Variants in PDE4DIP observed in about 807,000 individuals in gnomAD.
The protein encoded by PDE4DIP is myomegalin.
Under a neutral mutation model 221.4 loss-of-function variants are expected in PDE4DIP, and 59 were observed. The ratio of observed to expected loss-of-function variants is 0.27; its 90% CI spans 0.22 to 0.33. The LOEUF is 0.33. Among genes scored for constraint, PDE4DIP ranks in the 10% least tolerant of loss-of-function variants. The pLI, the probability that PDE4DIP is intolerant of heterozygous loss-of-function variation, is 1.00. For missense variants in PDE4DIP, 1,036 were observed against 2,154.2 expected (o/e 0.48, Z 10.28); for synonymous variants, 404 against 815.9 (o/e 0.50, Z 8.60).
At chr1:149,001,604 A>T (rs782708248) in exon 24 of PDE4DIP, 1 of 1,605,402 alleles carries the variant, frequency 6.2e-7, no homozygotes, top group Non-Finnish European at 8.5e-7. Context: ...CACCATGCTG[A>T]GCCTTTGCCT....
chr1:148,983,856 T>C (rs1410293374), intron 21 of PDE4DIP: 1 of 152,218 alleles, frequency 6.6e-6, no homozygotes, highest in Non-Finnish European at 1.5e-5. Flanking sequence ...ATTGGAAGCA[T>C]AGAACTTAAA....
rs371121555 is a variant in PDE4DIP, at chr1:148,968,989, G to C, written c.1939G>C (p.Gly647Arg). The C allele has an allele frequency of 3.6e-5, 58 of 1,609,642 alleles. No homozygotes were observed. In the African/African-American group the frequency reaches 6.8e-4, roughly 19 times the overall value. ...GCTGGAACATGAAATGGAGATTCAA[G>C]GCCTGCTTCAGTCTGTGAGCACCAG... Residue 647 changes from glycine (G) to arginine (R), a missense_variant, in exon 14 of 44, where the codon GGC (glycine) becomes CGC (arginine). By Grantham distance (125) the Gly-to-Arg change is moderately radical. Coordinates refer to ENST00000369354, the Ensembl canonical transcript of PDE4DIP.
intron 4 of PDE4DIP, among the ~76,000 whole-genome samples, chr1:148,937,476 G>T: frequency 6.6e-6 from 1 of 152,112 alleles, no homozygotes; most frequent in Non-Finnish European, 1.5e-5. Flanking sequence ...CTTATTCCAA[G>T]AGTTAAATTC....
chr1:148,918,672 A>G lies in PDE4DIP; in HGVS notation c.142-10525A>G, dbSNP rs1255753607. Among the ~76,000 whole-genome samples, 86 of 132,668 alleles carry G rather than the reference A, an allele frequency of 6.5e-4. 1 individual carries two copies. Among genetic ancestry groups the G allele is most frequent in the African/African-American group, 2.5e-3 (84 of 33,710 alleles). 87.0% of individuals were successfully genotyped at this position (132,668 alleles called of 152,430 possible). ...ACACACACACACCCTAGCTGTGTCT[A>G]TCCAAACACCTAATCTCCTTAGCAC... On this transcript the variant is annotated intron_variant, in intron 1 of 43. Transcript: ENST00000369354.
Position 148,892,259 on chromosome 1 carries a change from T to C in PDE4DIP, c.141+2365T>C, listed in dbSNP as rs1186668496. ...ATCCACCCGCCTCAGCCTCCCAAAG[T>C]ACTGGGATTACAGGCGTGAGCCACT... On this transcript the variant is annotated intron_variant, in intron 1 of 43. Transcript: ENST00000369354. Among the ~76,000 whole-genome samples the C allele has an allele frequency of 1.6e-5, 2 of 121,516 alleles. 1 individual carries two copies. Among genetic ancestry groups the C allele is most frequent in the African/African-American group, 6.9e-5 (2 of 29,124 alleles). 79.7% of individuals were successfully genotyped at this position (121,516 alleles called of 152,430 possible). A position where few individuals can be genotyped will look rare whatever the true frequency, so the allele number is the denominator to read the frequency against.
Position 149,017,608 on chromosome 1 carries a change from C to T in PDE4DIP, c.5519-140C>T, listed in dbSNP as rs112977903. 4.4e-3 allele frequency: 2,613 copies of T among 589,002 alleles called. 11 individuals carry two copies. The highest frequency in any genetic ancestry group is 6.4e-3 in the Non-Finnish European group (2,114 of 331,204). The allele number at this position is 589,002 out of a possible 1,614,324, so 36.5% of individuals were successfully genotyped here. On this transcript the variant is annotated intron_variant, in intron 33 of 43. Coordinates refer to ENST00000369354, the Ensembl canonical transcript of PDE4DIP. ...CAAAACTACCATTCTTTTGGGTGTCCGTGTGAGAGGACACAGTTGGCAGAA... is the reference window on the plus strand; with the variant it reads ...CAAAACTACCATTCTTTTGGGTGTCTGTGTGAGAGGACACAGTTGGCAGAA...
chr1:148,815,324 G>A (rs1165853793), intron 1 of PDE4DIP, among the ~76,000 whole-genome samples: 6 of 142,562 alleles, frequency 4.2e-5, no homozygotes, highest in Admixed American at 7.0e-5. Flanking sequence ...GCCGAGGCAC[G>A]CAGATCACGA....
At chr1:148,968,869 C>T (rs1360131650) in exon 14 of PDE4DIP, 1 of 1,613,250 alleles carries the variant, frequency 6.2e-7, no homozygotes, top group Non-Finnish European at 8.5e-7. Flanking sequence ...CAAACTTGGA[C>T]CAGGGCAGAG....
At chr1:148,992,058 G>C (rs782546314) in intron 22 of PDE4DIP, 85 bp downstream of exon 25, 1 of 711,574 alleles carries the variant, frequency 1.4e-6, no homozygotes, top group Non-Finnish European at 2.5e-6. Flanking sequence ...AGCCCTTGCG[G>C]ACTTAGTGAG....
At chr1:148,926,755 G>C (rs1218213400) in intron 1 of PDE4DIP, among the ~76,000 whole-genome samples, 1 of 151,860 alleles carries the variant, frequency 6.6e-6, no homozygotes, top group African/African-American at 2.4e-5. Flanking sequence ...CTCTAGCTTA[G>C]GGACTATTTT....
chr1:149,028,945 A>G (rs1553633208), intron 41 of PDE4DIP, among the ~76,000 whole-genome samples: 2 of 152,136 alleles, frequency 1.3e-5, no homozygotes, highest in African/African-American at 4.8e-5. Context: ...GAAATCAAAG[A>G]AGATGAAGGG....
chr1:148,893,019 G>T (rs1553438541), intron 1 of PDE4DIP, among the ~76,000 whole-genome samples: 2 of 115,114 alleles, frequency 1.7e-5, no homozygotes, highest in Non-Finnish European at 3.4e-5. Context: ...GGGACCACAG[G>T]TGTGCCACCA....
rs1684942194 is a variant in PDE4DIP at position 148,863,084 on chromosome 1, TA to T, written c.234-165del. Among the ~76,000 whole-genome samples, 3 of 83,316 alleles carry T rather than the reference TA, an allele frequency of 3.6e-5. 1 individual carries two copies. The highest frequency in any genetic ancestry group is 1.2e-4 in the Admixed American group (1 of 8,290). The allele number at this position is 83,316 out of a possible 152,430, so 54.7% of individuals were successfully genotyped here. ...AACTCTTCTGTGGTGTTTGCCTTTG[TA>T]TCCCTAGCACTTGACACGGTCCCTG... On this transcript the variant is annotated intron_variant, in intron 1 of 45. Coordinates refer to the PDE4DIP transcript ENST00000524974.
exon 31 of PDE4DIP, chr1:149,010,543 C>G: frequency 6.2e-7 from 1 of 1,614,082 alleles, no homozygotes; most frequent in South Asian, 1.1e-5. Flanking sequence ...GCAACCCCAT[C>G]AGCTTGCCAA....
intron 5 of PDE4DIP, among the ~76,000 whole-genome samples, chr1:148,947,003 T>A (rs1553484086): frequency 1.3e-5 from 2 of 152,296 alleles, no homozygotes; most frequent in Non-Finnish European, 2.9e-5. Flanking sequence ...ACACTAAATT[T>A]AATTCAGTAC....
chr1:148,866,602 A>AGGGAGGG (rs1686845564), intron 2 of PDE4DIP: 2 of 25,898 alleles, frequency 7.7e-5, no homozygotes, highest in African/African-American at 4.8e-4. Flanking sequence ...GGAAGGAAGG[A>AGGGAGGG]AGGAAGGGAG....
chr1:148,962,273 G>C (rs782772878), exon 8 of PDE4DIP: 3 of 1,501,892 alleles, frequency 2.0e-6, no homozygotes, highest in Non-Finnish European at 2.8e-6. Context: ...ACCAAAGCCA[G>C]CTTGGACAAC....
intron 21 of PDE4DIP, chr1:148,985,138 G>T (rs587644250): frequency 6.6e-6 from 1 of 152,168 alleles, no homozygotes; most frequent in Non-Finnish European, 1.5e-5. Context: ...TATCCTGTGA[G>T]ATACCAGCAC....
intron 14 of PDE4DIP, among the ~76,000 whole-genome samples, chr1:148,969,896 G>A (rs113789260): frequency 0.14 from 20,807 of 151,902 alleles, 1,513 homozygotes; most frequent in Middle Eastern, 0.19. Flanking sequence ...AGTAGAGATG[G>A]GGTTTCACCA....
Sources: allele counts gnomAD v4.1 joint callset (sites outside exome capture counted in the v4.1 genomes callset), GRCh38; gene constraint gnomAD v4.1.1; transcripts MANE v1.5; gene names NCBI Gene and HGNC (gene_info 2026-07-23, HGNC 2026-07-21).